Variants in EPHA6 observed in about 807,000 individuals in gnomAD.
The protein encoded by EPHA6 is ephrin type-A receptor 6.
In EPHA6, 50 loss-of-function variants were observed where a neutral mutation model predicts 112.0. The observed-to-expected ratio is 0.45, with a 90% CI of 0.36 to 0.56. EPHA6 has a LOEUF of 0.56. Ranked by LOEUF, EPHA6 falls within the 20% of genes least tolerant of loss-of-function variation. The probability of loss-of-function intolerance (pLI) is 0.00; values close to 1 mark genes in which losing one functional copy is unlikely to be tolerated. For synonymous variants in EPHA6, 529 were observed against 490.7 expected (o/e 1.08, Z -1.03); for missense variants, 1,280 against 1,417.4 (o/e 0.90, Z 1.56).
At chr3:96,860,754 G>T (rs1028708151) in intron 1 of EPHA6, among the ~76,000 whole-genome samples, 1 of 152,026 alleles carries the variant, frequency 6.6e-6, no homozygotes, top group Non-Finnish European at 1.5e-5. Flanking sequence ...TAAGACTATA[G>T]CCAAATAGTC....
intron 2 of EPHA6, among the ~76,000 whole-genome samples, chr3:96,932,726 A>G (rs926249997): frequency 2.6e-5 from 4 of 152,206 alleles, no homozygotes; most frequent in African/African-American, 4.8e-5. Context: ...ATGGTGGACT[A>G]TAATCACAGA....
At chr3:96,904,381 G>C (rs1241142327) in intron 2 of EPHA6, among the ~76,000 whole-genome samples, 5 of 145,966 alleles carry the variant, frequency 3.4e-5, no homozygotes, top group African/African-American at 1.0e-4. Flanking sequence ...ACCGCGTGTT[G>C]TCACTCATAG....
chr3:97,331,807 C>T lies in EPHA6; in HGVS notation c.1607-73343C>T, dbSNP rs145160352. ...CCAGATGGATTCACAGCCGAATTCA[C>T]AGCCGAATTTTACCAGAGGTACAAG... is the stretch of plus-strand genomic sequence containing the variant. On this transcript the variant is annotated intron_variant, in intron 5 of 17. Coordinates refer to ENST00000389672, the MANE Select transcript of EPHA6 (RefSeq NM_001080448.3). 1.1e-3 allele frequency among the ~76,000 whole-genome samples: 174 copies of T among 151,872 alleles called. 6 individuals are homozygous for T. The East Asian group carries it at 0.03, about 26-fold the overall frequency.
chr3:96,832,291 G>A (rs1430358181), intron 1 of EPHA6, among the ~76,000 whole-genome samples: 1 of 151,994 alleles, frequency 6.6e-6, no homozygotes, highest in South Asian at 2.1e-4. Context: ...GCCTAGGATG[G>A]TTAGGTGTAA....
chr3:97,228,608 A>C (rs1304609968), intron 4 of EPHA6, among the ~76,000 whole-genome samples: 1 of 151,016 alleles, frequency 6.6e-6, no homozygotes, highest in Non-Finnish European at 1.5e-5. Flanking sequence ...CATTTTCTTT[A>C]TCCACTTATT....
rs1400866586 is a variant in EPHA6 at position 97,751,467 on chromosome 3, G to A, written c.*2766G>A. ...TAAATGTAACTTTGAACTTCATTAT[G>A]GTTATGGCAACATTGAAACATGTGT... is the stretch of plus-strand genomic sequence containing the variant. On this transcript the variant is annotated 3_prime_UTR_variant, in exon 18 of 18. Transcript: ENST00000389672. 6.6e-6 allele frequency among the ~76,000 whole-genome samples: 1 copy of A among 151,920 alleles called. No homozygotes were observed. The highest frequency in any genetic ancestry group is 1.5e-5 in the Non-Finnish European group (1 of 67,986).
chr3:97,466,377 A>T lies in EPHA6; in HGVS notation c.1895-8975A>T, dbSNP rs141377272. On this transcript the variant is annotated intron_variant, in intron 7 of 17. Coordinates refer to ENST00000389672, the MANE Select transcript of EPHA6 (RefSeq NM_001080448.3). ...CGCCCTGCCCCATATCAGCATTTAC[A>T]TCCAGTCTAATTATTTTCTCTTGGT... 1.3e-3 allele frequency: 2,099 copies of T among 1,608,704 alleles called. 23 individuals carry two copies. In the African/African-American group the frequency reaches 0.021, roughly 16 times the overall value.
intron 2 of EPHA6, among the ~76,000 whole-genome samples, chr3:96,897,071 C>T (rs2038312419): frequency 7.0e-6 from 1 of 142,558 alleles, no homozygotes; most frequent in Non-Finnish European, 1.5e-5. Flanking sequence ...TCTATACATG[C>T]TAATACATCT....
chr3:97,620,125 T>C (rs564156141), intron 13 of EPHA6, among the ~76,000 whole-genome samples: 1 of 151,994 alleles, frequency 6.6e-6, no homozygotes, highest in East Asian at 1.9e-4. Flanking sequence ...CACCTACAGC[T>C]ATCTAATCCT....
At chr3:97,087,229 C>A (rs2046930003) in intron 3 of EPHA6, among the ~76,000 whole-genome samples, 1 of 152,224 alleles carries the variant, frequency 6.6e-6, no homozygotes, top group East Asian at 1.9e-4. Context: ...ATGGAGCCTC[C>A]TCTGTTCTCC....
Position 97,505,319 on chromosome 3 carries a change from T to C in EPHA6, c.2200+21260T>C, listed in dbSNP as rs190034527. Among the ~76,000 whole-genome samples, 963 of 152,204 alleles carry C rather than the reference T, an allele frequency of 6.3e-3. 12 individuals carry two copies. Among genetic ancestry groups the C allele is most frequent in the African/African-American group, 0.021 (883 of 41,532 alleles). ...CCCGTCATCTACATTAGGTATTTCT[T>C]CTAATGCTATCCCTCCCCTAGCCCC... is the stretch of plus-strand genomic sequence containing the variant. On this transcript the variant is annotated intron_variant, in intron 10 of 17. Transcript: ENST00000389672.
intron 2 of EPHA6, among the ~76,000 whole-genome samples, chr3:96,895,730 G>A (rs866982395): frequency 2.0e-5 from 3 of 152,160 alleles, no homozygotes; most frequent in Admixed American, 1.3e-4. Flanking sequence ...ATAGCCCAGA[G>A]TATTAAAGCT....
At chr3:97,162,203 A>G (rs1039868911) in intron 3 of EPHA6, among the ~76,000 whole-genome samples, 1 of 152,136 alleles carries the variant, frequency 6.6e-6, no homozygotes, top group African/African-American at 2.4e-5. Context: ...CCATCTTTCA[A>G]GTTCTCAATG....
intron 2 of EPHA6, among the ~76,000 whole-genome samples, chr3:96,882,762 GTGTGTGTA>G (rs1336145250): frequency 7.5e-5 from 11 of 145,740 alleles, no homozygotes; most frequent in African/African-American, 2.5e-4. Flanking sequence ...GTGTGTGTGT[GTGTGTGTA>G]TAGTCAATCA....
At chr3:97,448,354 A>G (rs959096956) in intron 6 of EPHA6, among the ~76,000 whole-genome samples, 3 of 152,168 alleles carry the variant, frequency 2.0e-5, no homozygotes, top group African/African-American at 7.2e-5. Flanking sequence ...AAGACTAATC[A>G]TCTTTCTTAA....
At chr3:97,016,093 T>A (rs554670809) in intron 3 of EPHA6, among the ~76,000 whole-genome samples, 15 of 150,928 alleles carry the variant, frequency 9.9e-5, no homozygotes, top group African/African-American at 3.6e-4. Flanking sequence ...AAAAAGAAAA[T>A]CCCAAAGTGG....
At chr3:97,125,593 A>C (rs917389834) in intron 3 of EPHA6, among the ~76,000 whole-genome samples, 1 of 152,148 alleles carries the variant, frequency 6.6e-6, no homozygotes, top group African/African-American at 2.4e-5. Flanking sequence ...ATTTTTTGGT[A>C]TCTTAATTTT....
chr3:97,564,359 T>C (rs1351677269), intron 11 of EPHA6, among the ~76,000 whole-genome samples: 3 of 152,160 alleles, frequency 2.0e-5, no homozygotes, highest in African/African-American at 7.2e-5. Flanking sequence ...CATTTACAAG[T>C]ATGTGCTTGC....
At chr3:97,490,595 A>G (rs1466802750) in intron 10 of EPHA6, among the ~76,000 whole-genome samples, 1 of 152,232 alleles carries the variant, frequency 6.6e-6, no homozygotes, top group Non-Finnish European at 1.5e-5. Context: ...CAAGGATGTT[A>G]GCAAGACTGG....
Sources: gnomAD v4.1 joint callset for allele counts (sites outside exome capture counted in the v4.1 genomes callset) on GRCh38, gnomAD v4.1.1 for gene constraint, MANE v1.5 for transcripts, NCBI Gene and HGNC (gene_info 2026-07-23, HGNC 2026-07-21) for gene names.